AFF1: variants seen among roughly 807,000 people sequenced by gnomAD.
AFF1 encodes the protein AF4/FMR2 family member 1.
A neutral mutation model predicts 121.7 loss-of-function variants in AFF1; 48 were observed. That is an observed-to-expected ratio of 0.39 (90% CI 0.31 to 0.50). The LOEUF (loss-of-function observed/expected upper bound fraction) is 0.50, where lower values mean the gene tolerates loss of function less well. AFF1 is among the 20% of genes least tolerant of loss of function. The pLI is 0.76. For synonymous variants in AFF1, 613 were observed against 563.0 expected, an observed-to-expected ratio of 1.09 and a Z score of -1.26; for missense variants, 1,523 against 1,511.7, an observed-to-expected ratio of 1.01 and a Z score of -0.12.
At chr4:86,960,375 C>A (rs1722063514) in intron 2 of AFF1, among the ~76,000 whole-genome samples, 1 of 152,124 alleles carries the variant, frequency 6.6e-6, no homozygotes, top group Admixed American at 6.6e-5. Flanking sequence ...GGCAGAATTT[C>A]TGAGTGCTGC....
intron 2 of AFF1, among the ~76,000 whole-genome samples, chr4:87,045,959 G>A (rs990885575): frequency 6.6e-6 from 1 of 152,146 alleles, no homozygotes; most frequent in Non-Finnish European, 1.5e-5. Context: ...TGGGAGCCAG[G>A]ACCCCAGGCT....
At chr4:86,941,278 A>T (rs1459832229) in intron 1 of AFF1, among the ~76,000 whole-genome samples, 1 of 152,174 alleles carries the variant, frequency 6.6e-6, no homozygotes, top group Admixed American at 6.6e-5. Flanking sequence ...TGGTAGGCTG[A>T]TGTGGGAGGA....
chr4:86,990,049 A>AT (rs1417333156), intron 2 of AFF1, among the ~76,000 whole-genome samples: 1 of 152,124 alleles, frequency 6.6e-6, no homozygotes, highest in Non-Finnish European at 1.5e-5. Context: ...TAGGGGAGGG[A>AT]TAGCATTAGG....
rs748093135 is a variant in AFF1, at chr4:86,951,615, C to CTTTTTTTTTT, written c.38+3051_38+3052insTTTTTTTTTT. On this transcript the variant is annotated intron_variant, in intron 2 of 20. Transcript: ENST00000395146. ...GAACTTTTTTTTCTTTTTCTTTTTT[C>CTTTTTTTTTT]TTTTTTTCTTTTTTTTTTTTTTTTT... Among the ~76,000 whole-genome samples the CTTTTTTTTTT allele has an allele frequency of 2.4e-4, 30 of 124,966 alleles. 1 individual carries two copies. Among genetic ancestry groups the CTTTTTTTTTT allele is most frequent in the African/African-American group, 4.7e-4 (14 of 29,940 alleles). 82.0% of individuals were successfully genotyped at this position (124,966 alleles called of 152,430 possible). A position where few individuals can be genotyped will look rare whatever the true frequency, so the allele number is the denominator to read the frequency against.
At position 87,089,977 on chromosome 4, in the gene AFF1, T is replaced by C. The variant is rs1442346089; in HGVS notation, c.1105-7T>C. 2 of 1,610,862 alleles carry C rather than the reference T, an allele frequency of 1.2e-6. No homozygotes were observed. Among genetic ancestry groups the C allele is most frequent in the South Asian group, 1.1e-5 (1 of 91,006 alleles). ...ACTTTTTCTTCCCTTTCCAAATATCTTTCCAGGAAATGACCCATTCATGGC... is the reference window on the plus strand; with the variant it reads ...ACTTTTTCTTCCCTTTCCAAATATCCTTCCAGGAAATGACCCATTCATGGC... On this transcript the variant is annotated splice_region_variant and splice_polypyrimidine_tract_variant and intron_variant, in intron 5 of 20. Coordinates refer to ENST00000395146, the MANE Select transcript of AFF1 (RefSeq NM_001166693.3).
rs376031240 is a variant in AFF1 at position 87,114,847 on chromosome 4, C to G, written c.2014C>G (p.Pro672Ala). 3.1e-6 allele frequency: 5 copies of G among 1,613,754 alleles called. No homozygotes were observed. Among genetic ancestry groups the G allele is most frequent in the Non-Finnish European group, 4.2e-6 (5 of 1,179,922 alleles). Residue 672 changes from proline to alanine, a missense_variant, in exon 12 of 21, where the codon CCC (proline) becomes GCC (alanine). Pro to Ala is a conservative substitution (Grantham distance 27). This residue lies in a region of AFF1 where 905 missense variants were observed against 842.5 expected (regional missense o/e 1.07). Coordinates refer to ENST00000395146, the MANE Select transcript of AFF1 (RefSeq NM_001166693.3). ...CAACGAACCCAAGCCAGCAGTGCCC[C>G]CCTCCAGTGAGAAGAAGAAGCACAA... The part of the protein sequence containing the change: ...ASNEPKPAVP[P>A]SSEKKKHKSS...
chr4:87,082,675 C>T (rs1004196286), intron 4 of AFF1, among the ~76,000 whole-genome samples: 26 of 152,086 alleles, frequency 1.7e-4, no homozygotes, highest in Admixed American at 1.3e-3. Context: ...GCAATCTGCC[C>T]GCCTCGGCCT....
At chr4:86,944,537 G>A (rs1336634892) in intron 1 of AFF1, among the ~76,000 whole-genome samples, 2 of 152,030 alleles carry the variant, frequency 1.3e-5, no homozygotes, top group Non-Finnish European at 2.9e-5. Context: ...GTAGAGATGG[G>A]GTTTCACCAT....
In AFF1 at chr4:87,135,695, AC is replaced by A; in HGVS notation, c.3653del (p.Pro1218LeufsTer7). 1 of 1,610,728 alleles carries A rather than the reference AC, an allele frequency of 6.2e-7. No individual in the cohort carries two copies. Among genetic ancestry groups the A allele is most frequent in the Non-Finnish European group, 8.5e-7 (1 of 1,178,632 alleles). ...AGCAGCTACAAGAATTAACCAAAAC[AC>A]CTTAATGGAGCCCCAGGTTGATTCA... ...FQQLQELTKT[P>X] On this transcript the variant is annotated frameshift_variant, in exon 21 of 21. Transcript: ENST00000395146. LOFTEE classifies it high-confidence loss of function.
chr4:87,034,126 T>C (rs1040739618), intron 2 of AFF1, among the ~76,000 whole-genome samples: 2 of 152,160 alleles, frequency 1.3e-5, no homozygotes, highest in African/African-American at 4.8e-5. Context: ...GAGCCGATAG[T>C]TATAACCTGA....
intron 8 of AFF1, among the ~76,000 whole-genome samples, chr4:87,100,988 C>A (rs1211520782): frequency 2.0e-5 from 3 of 152,162 alleles, no homozygotes; most frequent in African/African-American, 7.2e-5. Flanking sequence ...CAACCATTAA[C>A]CTCTTTCACT....
At chr4:87,019,433 C>T (rs2149554087) in intron 2 of AFF1, among the ~76,000 whole-genome samples, 1 of 152,280 alleles carries the variant, frequency 6.6e-6, no homozygotes, top group Non-Finnish European at 1.5e-5. Flanking sequence ...AGTTCCTGCC[C>T]CATACTCTGG....
chr4:86,984,947 C>T (rs1187238816), intron 2 of AFF1, among the ~76,000 whole-genome samples: 80 of 151,344 alleles, frequency 5.3e-4, no homozygotes, highest in South Asian at 4.4e-3. Flanking sequence ...AAAGACAAAT[C>T]TTAAAGTGTT....
chr4:87,009,157 C>T lies in AFF1; in HGVS notation c.39-37009C>T, dbSNP rs563499278. 7.2e-5 allele frequency among the ~76,000 whole-genome samples: 11 copies of T among 152,366 alleles called. No homozygotes were observed. The South Asian group carries it at 2.3e-3, about 32-fold the overall frequency. On this transcript the variant is annotated intron_variant, in intron 2 of 20. Coordinates refer to ENST00000395146, the MANE Select transcript of AFF1 (RefSeq NM_001166693.3). ...GTGTGCCAGGCACAGCATTAAGCAGCTTTAATTGGATTAGCTCTGACTCTT... is the reference window on the plus strand; with the variant it reads ...GTGTGCCAGGCACAGCATTAAGCAGTTTTAATTGGATTAGCTCTGACTCTT...
chr4:87,139,461 C>T lies in AFF1; in HGVS notation c.*3760C>T, dbSNP rs1252807371. ...AACTTTTAAAACTTTGCCATTTCAT[C>T]TGTTTACACTCTTTGCCACTGATTA... is the stretch of plus-strand genomic sequence containing the variant. On this transcript the variant is annotated 3_prime_UTR_variant, in exon 21 of 21. Transcript: ENST00000395146. 1 of 232,364 alleles carries T rather than the reference C, an allele frequency of 4.3e-6. No individual in the cohort carries two copies. The highest frequency in any genetic ancestry group is 2.2e-5 in the African/African-American group (1 of 45,294). 14.4% of individuals were successfully genotyped at this position (232,364 alleles called of 1,614,324 possible).
At chr4:87,095,037 T>C in intron 8 of AFF1, 68 bp downstream of exon 8, 2 of 1,431,028 alleles carry the variant, frequency 1.4e-6, no homozygotes, top group Non-Finnish European at 2.0e-6. Flanking sequence ...TGTCAATGCA[T>C]TGCTTAGATT....
At chr4:87,024,895 C>T (rs979032655) in intron 2 of AFF1, among the ~76,000 whole-genome samples, 4 of 152,178 alleles carry the variant, frequency 2.6e-5, no homozygotes, top group African/African-American at 7.2e-5. Context: ...CGCCCAGCCC[C>T]GATCCTGATC....
Position 86,986,035 on chromosome 4 carries a change from C to CAATTTAATTTAATTT in AFF1, c.38+37468_38+37469insTAATTTAATTTAATT, listed in dbSNP as rs200276708. Among the ~76,000 whole-genome samples the CAATTTAATTTAATTT allele has an allele frequency of 3.4e-3, 468 of 137,694 alleles. 1 individual carries two copies. The highest frequency in any genetic ancestry group is 0.01 in the South Asian group (44 of 4,238). The allele number at this position is 137,694 out of a possible 152,430, so 90.3% of individuals were successfully genotyped here. Reference sequence around the variant, plus strand: ...TGAATCCTTTTTTTAAAATTTAATTCAATTCAATTTAATTTAATTTAATTT... The same window carrying CAATTTAATTTAATTT: ...TGAATCCTTTTTTTAAAATTTAATTCAATTTAATTTAATTTAATTCAATTTAATTTAATTTAATTT... On this transcript the variant is annotated intron_variant, in intron 2 of 20. Coordinates refer to ENST00000395146, the MANE Select transcript of AFF1 (RefSeq NM_001166693.3).
intron 2 of AFF1, among the ~76,000 whole-genome samples, chr4:87,044,051 C>T (rs7659431): frequency 0.036 from 5,531 of 152,176 alleles, 317 homozygotes; most frequent in African/African-American, 0.13. Flanking sequence ...CTCTTGACCT[C>T]GTGATCCACC....
Sources: gnomAD v4.1 joint callset for allele counts (sites outside exome capture counted in the v4.1 genomes callset) on GRCh38, gnomAD v4.1.1 for gene constraint, gnomAD v4.1.1 regional missense constraint, MANE v1.5 for transcripts, NCBI Gene and HGNC (gene_info 2026-07-23, HGNC 2026-07-21) for gene names.